Variants in MYO18A observed in about 807,000 individuals in gnomAD.
The protein encoded by MYO18A is myosin XVIIIA.
MYO18A carries 78 observed loss-of-function variants against 235.8 expected under a neutral mutation model. The ratio of observed to expected loss-of-function variants is 0.33; its 90% confidence interval spans 0.28 to 0.40. The LOEUF is 0.40. MYO18A is among the 10% of genes least tolerant of loss of function. The probability of loss-of-function intolerance (pLI) is 1.00; values close to 1 mark genes in which losing one functional copy is unlikely to be tolerated. For missense variants in MYO18A, 2,215 were observed against 2,699.3 expected (o/e 0.82, Z 3.98); for synonymous variants, 977 against 1,077.8 (o/e 0.91, Z 1.83).
At chr17:29,086,672 G>C in intron 38 of MYO18A, 95 bp from the exon 39 acceptor site, 2 of 1,476,546 alleles carry the variant, frequency 1.4e-6, no homozygotes, top group Non-Finnish European at 1.8e-6. Context: ...GGTCATGGGG[G>C]TGCTACCTGA....
At position 29,096,822 on chromosome 17, in the gene MYO18A, T is replaced by C; in HGVS notation, c.4324A>G (p.Thr1442Ala). Residue 1442 changes from threonine to alanine, a missense_variant, in exon 28 of 42, where the codon ACC (threonine) becomes GCC (alanine). By Grantham distance (58) the Thr-to-Ala change is moderately conservative. Coordinates refer to ENST00000527372, the MANE Select transcript of MYO18A (RefSeq NM_078471.4). ...CQRLTAELQD[T>A]KLHLEGQQVR... ...TGCTGGCCCTCCAGGTGCAGCTTGG[T>C]GTCTTGCAGCTCAGCCGTCAGTCGC... 6.2e-7 allele frequency: 1 copy of C among 1,602,402 alleles called. No homozygotes were observed. The highest frequency in any genetic ancestry group is 8.5e-7 in the Non-Finnish European group (1 of 1,174,848).
At chr17:29,075,240 C>G (rs1036055264) in intron 41 of MYO18A, 5 of 257,296 alleles carry the variant, frequency 1.9e-5, no homozygotes, top group Non-Finnish European at 4.1e-5. Context: ...CCCAGTAATT[C>G]TGCATTTTCA....
chr17:29,086,149 A>G (rs1447691575), intron 39 of MYO18A, among the ~76,000 whole-genome samples: 1 of 152,244 alleles, frequency 6.6e-6, no homozygotes, highest in Non-Finnish European at 1.5e-5. Flanking sequence ...GGCAGGTGCC[A>G]TCGGAAATGC....
chr17:29,080,897 C>G, intron 41 of MYO18A: 1 of 985,486 alleles, frequency 1.0e-6, no homozygotes, highest in Non-Finnish European at 1.2e-6. Context: ...TCCGCGTCCC[C>G]GGTGCCCCCG....
chr17:29,159,742 G>A (rs893704967), intron 2 of MYO18A, among the ~76,000 whole-genome samples: 11 of 152,130 alleles, frequency 7.2e-5, no homozygotes, highest in African/African-American at 2.7e-4. Flanking sequence ...GGTACCCTAG[G>A]GACAAGGTTG....
chr17:29,152,619 T>C (rs924973877), intron 2 of MYO18A, among the ~76,000 whole-genome samples: 1 of 152,196 alleles, frequency 6.6e-6, no homozygotes, highest in African/African-American at 2.4e-5. Context: ...AGCTGAGCCA[T>C]TAACAGGAAC....
chr17:29,103,083 C>T (rs1180865179), intron 21 of MYO18A, among the ~76,000 whole-genome samples: 1 of 152,268 alleles, frequency 6.6e-6, no homozygotes, highest in Non-Finnish European at 1.5e-5. Flanking sequence ...AGCGTGCCTG[C>T]ATTTTACGCA....
intron 2 of MYO18A, among the ~76,000 whole-genome samples, chr17:29,132,522 G>A (rs1195398302): frequency 6.6e-6 from 1 of 152,160 alleles, no homozygotes; most frequent in Non-Finnish European, 1.5e-5. Context: ...TAGGAGCATG[G>A]CAAGAAGTCC....
intron 2 of MYO18A, among the ~76,000 whole-genome samples, chr17:29,138,329 C>T (rs2067655180): frequency 6.6e-6 from 1 of 152,014 alleles, no homozygotes; most frequent in Non-Finnish European, 1.5e-5. Context: ...GTCACTTTCC[C>T]GCCTCGCCGC....
In MYO18A at chr17:29,109,944, G is replaced by A; in HGVS notation, c.3245C>T (p.Ala1082Val). The A allele has an allele frequency of 6.2e-7, 1 of 1,606,308 alleles. No homozygotes were observed. The highest frequency in any genetic ancestry group is 8.5e-7 in the Non-Finnish European group (1 of 1,176,696). Residue 1082 changes from alanine (A) to valine (V), a missense_variant, in exon 19 of 42, where the codon GCT becomes GTT. Transcript: ENST00000527372. The surrounding 1 kb of genome is among the most constrained non-coding windows in gnomAD (Gnocchi z 4.1). Reference sequence around the variant, plus strand: ...GGGCACGTCGAGCTGCAGGAGCCCAGCCTCGCAGTGGTCTCCCGAGGGCAG... The same window carrying A: ...GGGCACGTCGAGCTGCAGGAGCCCAACCTCGCAGTGGTCTCCCGAGGGCAG... ...LDLPSGDHCE[A>V]GLLQLDVPLL... is the part of the protein sequence containing the mutation.
Position 29,115,727 on chromosome 17 carries a change from T to C in MYO18A, c.2164A>G (p.Thr722Ala). Residue 722 changes from threonine to alanine, a missense_variant, in exon 12 of 42, where the codon ACC becomes GCC. Transcript: ENST00000527372. ...CGGAAGGAGGTGGAGCGCTGCAGGG[T>C]GCCACCCTTGTGCTGGTGCTTGAAG... ...AIFKHQHKGG[T>A]LQRSTSFRQG... is the part of the protein sequence containing the mutation. 6.2e-7 allele frequency: 1 copy of C among 1,604,182 alleles called. No individual in the cohort carries two copies. The highest frequency in any genetic ancestry group is 8.5e-7 in the Non-Finnish European group (1 of 1,175,662).
chr17:29,074,629 C>A lies in MYO18A; in HGVS notation c.*141G>T. 1.1e-6 allele frequency: 1 copy of A among 870,628 alleles called. No individual in the cohort carries two copies. Among genetic ancestry groups the A allele is most frequent in the Non-Finnish European group, 1.8e-6 (1 of 545,740 alleles). The allele number at this position is 870,628 out of a possible 1,614,324, so 53.9% of individuals were successfully genotyped here. A position where few individuals can be genotyped will look rare whatever the true frequency, so the allele number is the denominator to read the frequency against. ...TCAGACACCCATAGCCTGGAAAGTG[C>A]CCCTGACAGAAGAAGGTCAGGGTGT... On this transcript the variant is annotated 3_prime_UTR_variant, in exon 42 of 42. Coordinates refer to ENST00000527372, the MANE Select transcript of MYO18A (RefSeq NM_078471.4). The surrounding 1 kb of genome is among the most constrained non-coding windows in gnomAD (Gnocchi z 4.4).
Position 29,074,643 on chromosome 17 carries a change from A to T in MYO18A, c.*127T>A, listed in dbSNP as rs1290842891. The T allele has an allele frequency of 6.0e-6, 6 of 1,004,632 alleles. No homozygotes were observed. The highest frequency in any genetic ancestry group is 9.1e-6 in the Non-Finnish European group (6 of 660,320). 62.2% of individuals were successfully genotyped at this position (1,004,632 alleles called of 1,614,324 possible). ...CCTGGAAAGTGCCCCTGACAGAAGA[A>T]GGTCAGGGTGTTTCCCATGCAGATC... On this transcript the variant is annotated 3_prime_UTR_variant, in exon 42 of 42. Coordinates refer to ENST00000527372, the MANE Select transcript of MYO18A (RefSeq NM_078471.4). This position sits in a 1 kb window ranked among gnomAD's most constrained non-coding sequence, Gnocchi z 4.4.
At position 29,132,335 on chromosome 17, in the gene MYO18A, G is replaced by A. The variant is rs965568850; in HGVS notation, c.1000-10082C>T. ...CAGATTCAGAGAGGCCAGGCCTCAA[G>A]TTTTAAAAAGTCTTCTCCTTTCCCC... On this transcript the variant is annotated intron_variant, in intron 2 of 41. Transcript: ENST00000527372. Among the ~76,000 whole-genome samples, 13 of 152,198 alleles carry A rather than the reference G, an allele frequency of 8.5e-5. No homozygotes were observed. In the South Asian group the frequency reaches 2.3e-3, roughly 27 times the overall value.
intron 2 of MYO18A, among the ~76,000 whole-genome samples, chr17:29,161,465 G>A (rs1391360631): frequency 4.7e-5 from 7 of 147,398 alleles, no homozygotes; most frequent in African/African-American, 1.3e-4. Context: ...AGCCAAGATC[G>A]CCCCACTGCA....
chr17:29,097,393 G>A (rs1419664540), intron 26 of MYO18A, 43 bp from the exon 27 acceptor site: 2 of 1,599,064 alleles, frequency 1.3e-6, no homozygotes, highest in Admixed American at 3.3e-5. Flanking sequence ...GGTGCTGAGA[G>A]TCCCCAGAAG....
At chr17:29,138,086 G>A (rs769936708) in intron 2 of MYO18A, among the ~76,000 whole-genome samples, 4 of 152,084 alleles carry the variant, frequency 2.6e-5, no homozygotes, top group South Asian at 2.1e-4. Context: ...GAGCCTACCC[G>A]CCCTTAACCT....
At chr17:29,133,703 T>C (rs2067528799) in intron 2 of MYO18A, 4 of 948,688 alleles carry the variant, frequency 4.2e-6, no homozygotes, top group Non-Finnish European at 5.9e-6. Flanking sequence ...ATCTCTAGCT[T>C]CCAAAGCTCC....
At position 29,125,836 on chromosome 17, in the gene MYO18A, C is replaced by T. The variant is rs2067307693; in HGVS notation, c.1000-3583G>A. 5 of 934,350 alleles carry T rather than the reference C, an allele frequency of 5.4e-6. No homozygotes were observed. Among genetic ancestry groups the T allele is most frequent in the Non-Finnish European group, 6.4e-6 (5 of 782,670 alleles). 57.9% of individuals were successfully genotyped at this position (934,350 alleles called of 1,614,324 possible). ...TACAGACACACACAGGGTCCTGCCG[C>T]CAGCCTCAGGAAGAGGGCGGCCAGG... On this transcript the variant is annotated intron_variant, in intron 2 of 41. Coordinates refer to ENST00000527372, the MANE Select transcript of MYO18A (RefSeq NM_078471.4). This position sits in a 1 kb window ranked among gnomAD's most constrained non-coding sequence, Gnocchi z 5.1.
Sources: gnomAD v4.1 joint callset for allele counts (sites outside exome capture counted in the v4.1 genomes callset) on GRCh38, gnomAD v4.1.1 for gene constraint, Gnocchi (gnomAD v3.1) non-coding constraint, MANE v1.5 for transcripts, NCBI Gene and HGNC (gene_info 2026-07-23, HGNC 2026-07-21) for gene names.